Variants in BUD13 observed in about 807,000 individuals in gnomAD.
The protein encoded by BUD13 is BUD13 homolog.
A neutral mutation model predicts 62.5 loss-of-function variants in BUD13; 47 were observed. That is an observed-to-expected ratio of 0.75 (90% CI 0.60 to 0.96). BUD13 has a LOEUF of 0.96. Ranked by LOEUF, BUD13 falls within the 40% of genes least tolerant of loss-of-function variation. The pLI, the probability that BUD13 is intolerant of heterozygous loss-of-function variation, is 0.00. For synonymous variants in BUD13, 293 were observed against 280.1 expected (o/e 1.05, Z -0.46); for missense variants, 821 against 790.9 (o/e 1.04, Z -0.46).
chr11:116,757,270 G>C (rs764603937), intron 8 of BUD13, 43 bp from the exon 9 acceptor site: 5 of 1,538,766 alleles, frequency 3.2e-6, no homozygotes. Flanking sequence ...TAATGACATA[G>C]TTTAATTCAG....
At position 116,759,080 on chromosome 11, in the gene BUD13, A is replaced by G. The variant is rs2134176488; in HGVS notation, c.1354T>C (p.Phe452Leu). The G allele has an allele frequency of 6.2e-7, 1 of 1,613,274 alleles. No homozygotes were observed. The change falls in exon 6 of 10, where the codon TTT becomes CTT. Residue 452 changes from phenylalanine (F) to leucine (L), a missense_variant. Physicochemically the swap from Phe to Leu is conservative, Grantham distance 22 (BLOSUM62 0). Around this residue, in one of 2 missense-constraint regions of BUD13, gnomAD observed 800 missense variants for 739.2 expected, o/e 1.08. Coordinates refer to ENST00000260210, the MANE Select transcript of BUD13 (RefSeq NM_032725.4). ...TGCACTTTCATATTTTTACCTTCAA[A>G]TGCCATGGTTTCTTGATCCTGTTCC... The part of the protein sequence containing the change: ...LKEQDQETMA[F>L]EAEFQYAETV...
intron 5 of BUD13, among the ~76,000 whole-genome samples, chr11:116,759,585 G>T (rs1940393928): frequency 6.6e-6 from 1 of 152,108 alleles, no homozygotes; most frequent in Admixed American, 6.5e-5. Context: ...TTAAATTGTG[G>T]ATATATTTCA....
chr11:116,770,851 G>A (rs1234476351), intron 1 of BUD13, among the ~76,000 whole-genome samples: 1 of 151,264 alleles, frequency 6.6e-6, no homozygotes, highest in Non-Finnish European at 1.5e-5. Flanking sequence ...TGGAGTGCAG[G>A]GACACCATCA....
Position 116,772,156 on chromosome 11 carries a change from C to T in BUD13, c.143+666G>A, listed in dbSNP as rs533729039. Among the ~76,000 whole-genome samples the T allele has an allele frequency of 8.2e-4, 125 of 152,032 alleles. 1 individual carries two copies. The highest frequency in any genetic ancestry group is 7.9e-3 in the Admixed American group (121 of 15,278). Reference sequence around the variant, plus strand: ...AGTATGACCTCATCTTAACTGATTACATCTCCAAAGACCCTATTTCTAAAT... The same window carrying T: ...AGTATGACCTCATCTTAACTGATTATATCTCCAAAGACCCTATTTCTAAAT... On this transcript the variant is annotated intron_variant, in intron 1 of 9. Coordinates refer to ENST00000260210, the MANE Select transcript of BUD13 (RefSeq NM_032725.4).
At chr11:116,759,287 C>G in intron 5 of BUD13, 108 bp from the exon 6 acceptor site, 1 of 696,006 alleles carries the variant, frequency 1.4e-6, no homozygotes, top group Non-Finnish European at 2.5e-6. Flanking sequence ...AATAATTAAA[C>G]CTAAAACTCT....
intron 9 of BUD13, among the ~76,000 whole-genome samples, chr11:116,749,049 T>TAGAATCAA (rs1350907801): frequency 6.9e-6 from 1 of 144,860 alleles, no homozygotes; most frequent in East Asian, 2.0e-4. Flanking sequence ...GCATATGCAA[T>TAGAATCAA]AGAATCAAAG....
At chr11:116,755,303 C>A (rs1193099112) in intron 9 of BUD13, among the ~76,000 whole-genome samples, 2 of 152,102 alleles carry the variant, frequency 1.3e-5, no homozygotes, top group East Asian at 3.9e-4. Flanking sequence ...GTGATAAGAC[C>A]GGAAGTGATG....
At chr11:116,757,306 CTTTT>C in intron 8 of BUD13, 79 bp from the exon 9 acceptor site, 1 of 1,327,400 alleles carries the variant, frequency 7.5e-7, no homozygotes, top group African/African-American at 1.5e-5. Flanking sequence ...TGGAATTTTC[CTTTT>C]TTTTTAGTAG....
In BUD13 at chr11:116,757,251, G is replaced by A. The variant is rs767186582; in HGVS notation, c.1685-24C>T. On this transcript the variant is annotated intron_variant, in intron 8 of 9. Coordinates refer to ENST00000260210, the MANE Select transcript of BUD13 (RefSeq NM_032725.4). ...CACTAATGAGAGGAGTAAGAAAAAA[G>A]TATTCAGTTAATGACATAGTTTAAT... 3 of 1,592,896 alleles carry A rather than the reference G, an allele frequency of 1.9e-6. No homozygotes were observed. In the East Asian group the frequency reaches 6.7e-5, roughly 36 times the overall value.
rs756494576 is a variant in BUD13 at position 116,757,184 on chromosome 11, A to G, written c.1728T>C (p.Phe576=). Residue 576 remains phenylalanine, a synonymous_variant, in exon 9 of 10, where the codon TTT becomes TTC. Coordinates refer to ENST00000260210, the MANE Select transcript of BUD13 (RefSeq NM_032725.4). The part of the protein sequence containing the change: ...YSGPAPPPNR[F]NIWPGYRWDG... ...CCCAGCGATATCCAGGCCAGATATT[A>G]AATCTGTTGGGAGGAGGTGCTGGAC... The G allele has an allele frequency of 1.9e-6, 3 of 1,614,226 alleles. No homozygotes were observed. Among genetic ancestry groups the G allele is most frequent in the Non-Finnish European group, 2.5e-6 (3 of 1,180,024 alleles).
At position 116,772,924 on chromosome 11, in the gene BUD13, T is replaced by C; in HGVS notation, c.41A>G (p.Lys14Arg). ...APPLSKAEYLKRYLSGADAGV... is the reference protein window; with the variant it reads ...APPLSKAEYLRRYLSGADAGV... ...GGCATCTGCCCCGGACAAGTAACGC[T>C]TCAGATACTCGGCCTTGGAAAGCGG... The change falls in exon 1 of 10, where the codon AAG becomes AGG. Residue 14 changes from lysine to arginine, a missense_variant. Lys to Arg is a conservative substitution (Grantham distance 26, BLOSUM62 2). This residue lies in a region of BUD13 where 800 missense variants were observed against 739.2 expected (regional missense o/e 1.08). Coordinates refer to ENST00000260210, the MANE Select transcript of BUD13 (RefSeq NM_032725.4). 1 of 1,586,824 alleles carries C rather than the reference T, an allele frequency of 6.3e-7. No homozygotes were observed. Among genetic ancestry groups the C allele is most frequent in the South Asian group, 1.1e-5 (1 of 88,224 alleles).
chr11:116,767,197 A>AT (rs1387246824), intron 2 of BUD13, among the ~76,000 whole-genome samples: 56 of 152,092 alleles, frequency 3.7e-4, no homozygotes, highest in African/African-American at 1.3e-3. Flanking sequence ...CAAAAAAAAA[A>AT]AATAATAAAA....
intron 2 of BUD13, among the ~76,000 whole-genome samples, chr11:116,768,601 A>T (rs1940571629): frequency 6.6e-6 from 1 of 152,194 alleles, no homozygotes; most frequent in South Asian, 2.1e-4. Flanking sequence ...AAAACAACAA[A>T]CATTGTTAAT....
At chr11:116,758,038 A>G (rs1436936843) in intron 7 of BUD13, 88 bp from the exon 8 acceptor site, 2 of 1,532,036 alleles carry the variant, frequency 1.3e-6, no homozygotes, top group African/African-American at 1.4e-5. Flanking sequence ...AGTTTGGACA[A>G]TCTCCTCTTT....
intron 9 of BUD13, among the ~76,000 whole-genome samples, chr11:116,756,208 G>A (rs1940321170): frequency 2.6e-5 from 4 of 151,566 alleles, no homozygotes; most frequent in Admixed American, 2.6e-4. Flanking sequence ...AAATAAGAGT[G>A]GTTGGGCATG....
At chr11:116,768,050 G>A (rs1940563424) in intron 2 of BUD13, among the ~76,000 whole-genome samples, 1 of 151,394 alleles carries the variant, frequency 6.6e-6, no homozygotes, top group South Asian at 2.1e-4. Flanking sequence ...AGGCAAACTG[G>A]CATTCTCATC....
At chr11:116,772,621 C>T (rs1443811048) in intron 1 of BUD13, among the ~76,000 whole-genome samples, 1 of 152,232 alleles carries the variant, frequency 6.6e-6, no homozygotes, top group Non-Finnish European at 1.5e-5. Flanking sequence ...CGCTACTGCT[C>T]AGAGGCTCGA....
chr11:116,766,236 A>C (rs1940528079), intron 2 of BUD13, among the ~76,000 whole-genome samples: 3 of 152,250 alleles, frequency 2.0e-5, no homozygotes, highest in African/African-American at 7.2e-5. Flanking sequence ...ACAGAGTAGC[A>C]ACTATGTGCA....
intron 2 of BUD13, among the ~76,000 whole-genome samples, chr11:116,768,875 C>T (rs749182798): frequency 2.6e-5 from 4 of 151,712 alleles, no homozygotes; most frequent in East Asian, 1.9e-4. Context: ...ATTAGCCGGG[C>T]GTGTTGGTGG....
Sources: gnomAD v4.1 joint callset for allele counts (sites outside exome capture counted in the v4.1 genomes callset) on GRCh38, gnomAD v4.1.1 for gene constraint, gnomAD v4.1.1 regional missense constraint, MANE v1.5 for transcripts, NCBI Gene and HGNC (gene_info 2026-07-23, HGNC 2026-07-21) for gene names.